ETV6: variants seen among roughly 807,000 people sequenced by gnomAD.
The protein encoded by ETV6 is transcription factor ETV6.
A neutral mutation model predicts 51.1 loss-of-function variants in ETV6; 16 were observed. The observed-to-expected ratio is 0.31, with a 90% CI of 0.21 to 0.48. The LOEUF (loss-of-function observed/expected upper bound fraction) is 0.48. Ranked by LOEUF, ETV6 falls within the 20% of genes least tolerant of loss-of-function variation. ETV6 has a pLI of 0.99. For missense variants in ETV6, 458 were observed against 594.8 expected, an observed-to-expected ratio of 0.77 and a Z score of 2.39; for synonymous variants, 240 against 224.1, an observed-to-expected ratio of 1.07 and a Z score of -0.64.
At chr12:11,731,503 A>G (rs946790332) in intron 1 of ETV6, among the ~76,000 whole-genome samples, 21 of 152,220 alleles carry the variant, frequency 1.4e-4, no homozygotes, top group African/African-American at 5.1e-4. Context: ...TGGAGGTTTG[A>G]AATTTCCCAC....
intron 5 of ETV6, among the ~76,000 whole-genome samples, chr12:11,883,580 C>T (rs978898621): frequency 4.6e-5 from 7 of 152,068 alleles, no homozygotes; most frequent in Admixed American, 4.6e-4. Flanking sequence ...CAGGCGTGAG[C>T]CACCACGCCC....
intron 2 of ETV6, among the ~76,000 whole-genome samples, chr12:11,770,661 G>A (rs935958836): frequency 6.6e-6 from 1 of 152,212 alleles, no homozygotes; most frequent in African/African-American, 2.4e-5. Context: ...CTTCTAGAAA[G>A]GTGTCAGGGA....
intron 1 of ETV6, among the ~76,000 whole-genome samples, chr12:11,684,872 G>A (rs756133855): frequency 6.6e-6 from 1 of 152,172 alleles, no homozygotes; most frequent in Non-Finnish European, 1.5e-5. Flanking sequence ...ATATTCTAAC[G>A]TGAGGAAACA....
At chr12:11,704,730 A>G (rs1463542872) in intron 1 of ETV6, among the ~76,000 whole-genome samples, 1 of 152,222 alleles carries the variant, frequency 6.6e-6, no homozygotes, top group Non-Finnish European at 1.5e-5. Context: ...TATAGCTAAT[A>G]GAATGGGTTG....
chr12:11,676,616 C>CT (rs1367317350), intron 1 of ETV6, among the ~76,000 whole-genome samples: 3 of 152,202 alleles, frequency 2.0e-5, no homozygotes, highest in Admixed American at 1.3e-4. Flanking sequence ...TCCCTGGGGT[C>CT]TTTTCTTGAA....
rs562291703 is a variant in ETV6, at chr12:11,741,463, T to C, written c.34-10987T>C. 6.6e-5 allele frequency among the ~76,000 whole-genome samples: 10 copies of C among 152,328 alleles called. No individual in the cohort carries two copies. In the South Asian group the frequency reaches 1.5e-3, roughly 22 times the overall value. On this transcript the variant is annotated intron_variant, in intron 1 of 7. Transcript: ENST00000396373. Reference sequence around the variant, plus strand: ...TTTTCCTTTCCTCTTCCTTGTTTTTTATTAACCTTGTCTTGCTCCTGCCAC... The same window carrying C: ...TTTTCCTTTCCTCTTCCTTGTTTTTCATTAACCTTGTCTTGCTCCTGCCAC...
intron 1 of ETV6, among the ~76,000 whole-genome samples, chr12:11,652,306 C>T (rs1172779401): frequency 1.3e-5 from 2 of 152,028 alleles, no homozygotes; most frequent in Non-Finnish European, 2.9e-5. Context: ...TTCAGTGTTC[C>T]AATAATAAGC....
intron 2 of ETV6, among the ~76,000 whole-genome samples, chr12:11,780,041 C>G (rs185045368): frequency 9.2e-4 from 140 of 152,338 alleles, no homozygotes; most frequent in Non-Finnish European, 1.6e-3. Context: ...TGCTTTCACA[C>G]AGATGCTGAA....
chr12:11,841,334 TA>T (rs5796470), intron 3 of ETV6, among the ~76,000 whole-genome samples: 82,661 of 152,026 alleles, frequency 0.54, 25,606 homozygotes, highest in African/African-American at 0.85. Flanking sequence ...TGCGTTGATC[TA>T]AAAGGCCAAA....
At chr12:11,882,187 G>T (rs1947107762) in intron 5 of ETV6, among the ~76,000 whole-genome samples, 3 of 152,228 alleles carry the variant, frequency 2.0e-5, no homozygotes, top group Non-Finnish European at 2.9e-5. Flanking sequence ...ATTTAGGGCT[G>T]CTGTACATTT....
At chr12:11,850,886 G>A (rs1196637154) in intron 3 of ETV6, among the ~76,000 whole-genome samples, 2 of 152,222 alleles carry the variant, frequency 1.3e-5, no homozygotes, top group Admixed American at 6.5e-5. Context: ...CCCACCGGGG[G>A]CTTCTCCAAG....
At chr12:11,867,400 T>G (rs905575412) in intron 4 of ETV6, among the ~76,000 whole-genome samples, 7 of 152,344 alleles carry the variant, frequency 4.6e-5, no homozygotes, top group African/African-American at 1.7e-4. Flanking sequence ...ATACTATAAT[T>G]TATTAAATCA....
At chr12:11,878,893 G>C (rs1348780876) in intron 5 of ETV6, among the ~76,000 whole-genome samples, 1 of 150,522 alleles carries the variant, frequency 6.6e-6, no homozygotes, top group African/African-American at 2.4e-5. Flanking sequence ...CTCTAAGCAG[G>C]GTTTCTCAAC....
At chr12:11,721,186 A>T (rs1384750670) in intron 1 of ETV6, among the ~76,000 whole-genome samples, 1 of 152,182 alleles carries the variant, frequency 6.6e-6, no homozygotes, top group Non-Finnish European at 1.5e-5. Context: ...CAGAGCTACC[A>T]TTCAGCCCAT....
Position 11,669,379 on chromosome 12 carries a change from C to CT in ETV6, c.33+19220dup, listed in dbSNP as rs1591597316. Among the ~76,000 whole-genome samples, 5 of 148,778 alleles carry CT rather than the reference C, an allele frequency of 3.4e-5. No individual in the cohort carries two copies. In the South Asian group the frequency reaches 8.8e-4, roughly 26 times the overall value. ...CTGTCCTCCCTTCCTCCCTTCCTCC[C>CT]TCCCTCCCTCCCTCCTTTCCTCCTT... On this transcript the variant is annotated intron_variant, in intron 1 of 7. Transcript: ENST00000396373.
chr12:11,808,076 A>G (rs1004739440), intron 2 of ETV6, among the ~76,000 whole-genome samples: 11 of 152,234 alleles, frequency 7.2e-5, no homozygotes, highest in African/African-American at 2.7e-4. Flanking sequence ...AATACCTACA[A>G]GGCATTCCTA....
At chr12:11,723,801 T>C (rs1865438402) in intron 1 of ETV6, among the ~76,000 whole-genome samples, 1 of 152,222 alleles carries the variant, frequency 6.6e-6, no homozygotes, top group African/African-American at 2.4e-5. Context: ...CACCAACCAT[T>C]GAGAAAGCTT....
chr12:11,750,695 T>C (rs754303915), intron 1 of ETV6: 7 of 346,708 alleles, frequency 2.0e-5, no homozygotes, highest in Non-Finnish European at 3.9e-5. Context: ...GTATGGAGAA[T>C]TTGTTAAATT....
chr12:11,734,914 A>T (rs1865673722), intron 1 of ETV6, among the ~76,000 whole-genome samples: 1 of 152,116 alleles, frequency 6.6e-6, no homozygotes, highest in African/African-American at 2.4e-5. Context: ...AAGGAAAAGG[A>T]AAACGTGGTC....
Sources: allele counts gnomAD v4.1 joint callset (sites outside exome capture counted in the v4.1 genomes callset), GRCh38; gene constraint gnomAD v4.1.1; transcripts MANE v1.5; gene names NCBI Gene and HGNC (gene_info 2026-07-23, HGNC 2026-07-21).